The following C17orf75 variants were observed in gnomAD, a reference collection of about 807,000 sequenced individuals.
The protein encoded by C17orf75 is chromosome 17 open reading frame 75.
A neutral mutation model predicts 49.6 loss-of-function variants in C17orf75; 32 were observed. That is an observed-to-expected ratio of 0.65 (90% CI 0.49 to 0.87). C17orf75 has a LOEUF of 0.87. Among genes scored for constraint, C17orf75 ranks in the 40% least tolerant of loss-of-function variants. C17orf75 has a pLI of 0.00. For synonymous variants in C17orf75, 158 were observed against 159.5 expected (o/e 0.99, Z 0.07); for missense variants, 428 against 473.9 (o/e 0.90, Z 0.90).
rs113366274 is a variant in C17orf75 at position 32,328,907 on chromosome 17, CA to C, written c.*2855del. 0.65 allele frequency: 95,077 copies of C among 147,144 alleles called. 31,672 individuals are homozygous for C. The highest frequency in any genetic ancestry group is 0.81 in the African/African-American group (33,013 of 40,620). 9.1% of individuals were successfully genotyped at this position (147,144 alleles called of 1,614,324 possible). A position where few individuals can be genotyped will look rare whatever the true frequency, so the allele number is the denominator to read the frequency against. ...TCTGTCTTAAAAAATAAAACAAAAA[CA>C]AAAAAAAAAACAACTTTAAAAGCCA... On this transcript the variant is annotated 3_prime_UTR_variant, in exon 10 of 10. Transcript: ENST00000577809.
chr17:32,335,190 G>A (rs1314468302), intron 6 of C17orf75, 133 bp downstream of exon 6: 4 of 1,104,120 alleles, frequency 3.6e-6, no homozygotes, highest in Admixed American at 5.5e-5. Context: ...ATAAAGTGTG[G>A]TCTATCTTGA....
upstream of C17orf75, chr17:32,343,767 G>A (rs985669182): frequency 1.9e-5 from 12 of 636,188 alleles, no homozygotes; most frequent in Admixed American, 2.9e-4. Context: ...ACATTTAAAA[G>A]AGGATTCTGA....
upstream of C17orf75, chr17:32,342,336 C>T (rs1267593450): frequency 1.2e-6 from 1 of 805,926 alleles, no homozygotes; most frequent in East Asian, 3.5e-5. Context: ...ACTGAGTTCG[C>T]CTTTACTGAC....
intron 3 of C17orf75, among the ~76,000 whole-genome samples, 194 bp downstream of exon 3, chr17:32,339,619 T>C (rs1253054147): frequency 6.6e-6 from 1 of 151,958 alleles, no homozygotes; most frequent in Non-Finnish European, 1.5e-5. Flanking sequence ...TAAAGTGCAA[T>C]TGGGTGCCAG....
intron 8 of C17orf75, 88 bp from the exon 9 acceptor site, chr17:32,333,608 T>C: frequency 8.2e-7 from 1 of 1,226,494 alleles, no homozygotes; most frequent in South Asian, 1.3e-5. Flanking sequence ...TTCGCTCTTG[T>C]TGCCCGGCTG....
chr17:32,338,442 C>T lies in C17orf75; in HGVS notation c.348-91G>A. On this transcript the variant is annotated intron_variant, in intron 3 of 9. Transcript: ENST00000577809. ...TGCTCTGAATTCTGGTCATCTTGAT[C>T]TGGCAACACCATTAAACTGCCCACT... 7 of 1,278,670 alleles carry T rather than the reference C, an allele frequency of 5.5e-6. 1 individual carries two copies. In the Middle Eastern group the frequency reaches 6.3e-4, roughly 116 times the overall value. The allele number at this position is 1,278,670 out of a possible 1,614,324, so 79.2% of individuals were successfully genotyped here. A position where few individuals can be genotyped will look rare whatever the true frequency, so the allele number is the denominator to read the frequency against.
intron 2 of C17orf75, among the ~76,000 whole-genome samples, chr17:32,340,362 C>T (rs9890645): frequency 0.13 from 20,273 of 151,704 alleles, 1,448 homozygotes; most frequent in African/African-American, 0.17. Context: ...GGGCTGGGGC[C>T]GGGAGCAGTG....
At chr17:32,335,545 A>G (rs2041316528) in intron 5 of C17orf75, 103 bp from the exon 6 acceptor site, 4 of 1,380,852 alleles carry the variant, frequency 2.9e-6, no homozygotes, top group African/African-American at 1.4e-5. Context: ...ACCAGGATAG[A>G]CACCTCCCTT....
intron 9 of C17orf75, among the ~76,000 whole-genome samples, 198 bp from the exon 10 acceptor site, chr17:32,332,176 C>G (rs2041281094): frequency 6.6e-6 from 1 of 152,130 alleles, no homozygotes; most frequent in Non-Finnish European, 1.5e-5. Context: ...TTGTTTCGCT[C>G]TTGTTGCCCA....
chr17:32,342,045 G>A lies in C17orf75; in HGVS notation c.95C>T (p.Pro32Leu). The A allele has an allele frequency of 6.4e-7, 1 of 1,553,140 alleles. No homozygotes were observed. The highest frequency in any genetic ancestry group is 1.2e-5 in the South Asian group (1 of 84,202). ...GGSAEERRLE[P>L]PSSSHYCLYS... ...AAGACAGTAGTGGCTGCTGGACGGCGGCTCGAGTCTCCGCTCCTCGGCTGA... is the reference window on the plus strand; with the variant it reads ...AAGACAGTAGTGGCTGCTGGACGGCAGCTCGAGTCTCCGCTCCTCGGCTGA... Residue 32 changes from proline to leucine, a missense_variant, in exon 1 of 10, where the codon CCG (proline) becomes CTG (leucine). Pro to Leu is a moderately conservative substitution (Grantham distance 98). Transcript: ENST00000577809.
At chr17:32,342,209 C>T, upstream of C17orf75, 1 of 1,424,248 alleles carries the variant, frequency 7.0e-7, no homozygotes, top group Non-Finnish European at 9.3e-7. Flanking sequence ...CCGTCGGTAT[C>T]AGGGCTCGTC....
At chr17:32,339,723 CTA>C in intron 3 of C17orf75, 88 bp downstream of exon 3, 1 of 1,525,228 alleles carries the variant, frequency 6.6e-7, no homozygotes, top group Non-Finnish European at 8.9e-7. Context: ...TTCTGCAGGT[CTA>C]GTAGGAGCTG....
Position 32,339,815 on chromosome 17 carries a change from T to C in C17orf75, c.345A>G (p.Leu115=), listed in dbSNP as rs752963602. 5 of 1,613,750 alleles carry C rather than the reference T, an allele frequency of 3.1e-6. No individual in the cohort carries two copies. In the South Asian group the frequency reaches 3.3e-5, roughly 11 times the overall value. Residue 115 remains leucine (L), a splice_region_variant and synonymous_variant, in exon 3 of 10, where the codon CTA becomes CTG. Coordinates refer to ENST00000577809, the MANE Select transcript of C17orf75 (RefSeq NM_022344.4). The stretch of plus-strand genomic sequence containing the variant: ...GACACAGCACATTTTGCACTTACTT[T>C]AGCTCCACAGATGCAACATTACCCA... ...EGLGNVASVE[L]KIPGYRVGCY...
At chr17:32,338,433 C>A in intron 3 of C17orf75, 82 bp from the exon 4 acceptor site, 1 of 1,365,182 alleles carries the variant, frequency 7.3e-7, no homozygotes, top group South Asian at 1.4e-5. Flanking sequence ...GAATTCTGGT[C>A]ATCTTGATCT....
At chr17:32,349,193 A>C (rs775240368) in intron 1 of C17orf75, among the ~76,000 whole-genome samples, 4 of 152,034 alleles carry the variant, frequency 2.6e-5, no homozygotes, top group Non-Finnish European at 5.9e-5. Flanking sequence ...TACCACGATT[A>C]GTTTTTCACG....
At chr17:32,349,338 TTGG>T (rs1567807926) in intron 1 of C17orf75, among the ~76,000 whole-genome samples, 23 of 151,642 alleles carry the variant, frequency 1.5e-4, no homozygotes, top group African/African-American at 5.3e-4. Flanking sequence ...ATCCAGCACT[TTGG>T]GAGGCCGAGG....
At chr17:32,336,062 T>C (rs1326455949) in intron 5 of C17orf75, among the ~76,000 whole-genome samples, 1 of 152,220 alleles carries the variant, frequency 6.6e-6, no homozygotes, top group Non-Finnish European at 1.5e-5. Context: ...ACAACTCTAT[T>C]AGACTTGCAT....
In C17orf75 at chr17:32,337,914, T is replaced by C; in HGVS notation, c.532A>G (p.Asn178Asp). ...CACCTTACCTCACAATTCATGTTAT[T>C]TTTCAGCCCTTGAATGTACTTGTCC... ...ELDKYIQGLK[N>D]NMNCEARGLE... The change falls in exon 5 of 10, where the codon AAT (asparagine) becomes GAT (aspartate). Residue 178 changes from asparagine to aspartate, a missense_variant. Transcript: ENST00000577809. The C allele has an allele frequency of 6.2e-7, 1 of 1,605,744 alleles. No homozygotes were observed. The highest frequency in any genetic ancestry group is 2.2e-5 in the East Asian group (1 of 44,774).
At chr17:32,335,626 AG>A (rs977567305) in intron 5 of C17orf75, among the ~76,000 whole-genome samples, 184 bp from the exon 6 acceptor site, 9 of 152,206 alleles carry the variant, frequency 5.9e-5, no homozygotes, top group African/African-American at 2.2e-4. Flanking sequence ...GGGCAGGGTG[AG>A]GGTTAAATCT....
Sources: allele counts gnomAD v4.1 joint callset (sites outside exome capture counted in the v4.1 genomes callset), GRCh38; gene constraint gnomAD v4.1.1; transcripts MANE v1.5; gene names NCBI Gene and HGNC (gene_info 2026-07-23, HGNC 2026-07-21).